Variants in DIS3L2 observed in about 807,000 individuals in gnomAD.
DIS3L2 encodes the protein DIS3 like 3'-5' exoribonuclease 2.
In DIS3L2, 34 loss-of-function variants were observed where a neutral mutation model predicts 97.5. That is an observed-to-expected ratio of 0.35 (90% CI 0.27 to 0.46). The LOEUF (loss-of-function observed/expected upper bound fraction) is 0.46. Ranked by LOEUF, DIS3L2 falls within the 20% of genes least tolerant of loss-of-function variation. The pLI is 1.00. For synonymous variants in DIS3L2, 435 were observed against 445.2 expected (o/e 0.98, Z 0.29); for missense variants, 1,038 against 1,146.0 (o/e 0.91, Z 1.36).
At chr2:232,069,713 G>A (rs1345451243) in intron 5 of DIS3L2, among the ~76,000 whole-genome samples, 1 of 152,156 alleles carries the variant, frequency 6.6e-6, no homozygotes, top group Non-Finnish European at 1.5e-5. Flanking sequence ...AGGATGGAAT[G>A]TAATTCTGGA....
At position 232,037,489 on chromosome 2, in the gene DIS3L2, G is replaced by A. The variant is rs115331501; in HGVS notation, c.366+7409G>A. On this transcript the variant is annotated intron_variant, in intron 5 of 20. Coordinates refer to ENST00000325385, the MANE Select transcript of DIS3L2 (RefSeq NM_152383.5). The surrounding 1 kb of genome is among the most constrained non-coding windows in gnomAD (Gnocchi z 4.6). ...GCTGGGCTCCATGAGGGTGGGATCC[G>A]CTGAGCTAGACCACTTGGCTCTCTG... Among the ~76,000 whole-genome samples, 16,728 of 152,188 alleles carry A rather than the reference G, an allele frequency of 0.11. 1,142 individuals carry two copies. Among genetic ancestry groups the A allele is most frequent in the African/African-American group, 0.19 (7,943 of 41,500 alleles).
chr2:231,972,078 A>T (rs1692933812), intron 1 of DIS3L2, among the ~76,000 whole-genome samples: 1 of 151,652 alleles, frequency 6.6e-6, no homozygotes, highest in South Asian at 2.1e-4. Context: ...CCAGCTACTC[A>T]GGAGGCTGTG....
chr2:232,111,226 T>C (rs993637467), intron 6 of DIS3L2: 11 of 471,144 alleles, frequency 2.3e-5, no homozygotes, highest in African/African-American at 1.8e-4. Flanking sequence ...GAGAAGTTCC[T>C]GGGCTTATCC....
chr2:232,334,412 A>G lies in DIS3L2; in HGVS notation c.2202A>G (p.Lys734=), dbSNP rs777580118. The G allele has an allele frequency of 1.2e-6, 2 of 1,613,786 alleles. No homozygotes were observed. Among genetic ancestry groups the G allele is most frequent in the East Asian group, 2.2e-5 (1 of 44,878 alleles). The change falls in exon 18 of 21, where the codon AAA becomes AAG. Residue 734 remains lysine, a synonymous_variant. Coordinates refer to ENST00000325385, the MANE Select transcript of DIS3L2 (RefSeq NM_152383.5). The stretch of plus-strand genomic sequence containing the variant: ...ACATGGCGCCCGATACCCTGCAGAA[A>G]CAGGCGGACCACTGTAACGACCGCC... ...RLDMAPDTLQ[K]QADHCNDRRM... is the part of the protein sequence containing the mutation.
intron 6 of DIS3L2, among the ~76,000 whole-genome samples, chr2:232,121,977 G>T (rs1305258347): frequency 6.6e-6 from 1 of 152,140 alleles, no homozygotes; most frequent in Non-Finnish European, 1.5e-5. Flanking sequence ...CTGGCCTCCT[G>T]CCTCCAGTCT....
rs143448838 is a variant in DIS3L2, at chr2:232,251,151, A to G, written c.1425+1805A>G. ...CCCTAGGGCTCTTAAGTATATGTGTAATTCAACTGGAGTACAAACAAAACA... is the reference window on the plus strand; with the variant it reads ...CCCTAGGGCTCTTAAGTATATGTGTGATTCAACTGGAGTACAAACAAAACA... On this transcript the variant is annotated intron_variant, in intron 12 of 20. Coordinates refer to ENST00000325385, the MANE Select transcript of DIS3L2 (RefSeq NM_152383.5). Among the ~76,000 whole-genome samples the G allele has an allele frequency of 8.5e-3, 1,298 of 152,338 alleles. 22 individuals carry two copies. The highest frequency in any genetic ancestry group is 0.049 in the Admixed American group (744 of 15,310).
intron 1 of DIS3L2, among the ~76,000 whole-genome samples, chr2:231,972,801 C>G (rs948911921): frequency 1.4e-4 from 22 of 152,218 alleles, no homozygotes; most frequent in African/African-American, 4.6e-4. Context: ...ACCTCGGCCT[C>G]TCAAAGTGCT....
chr2:231,994,994 G>A (rs1026371592), intron 1 of DIS3L2, among the ~76,000 whole-genome samples: 6 of 151,472 alleles, frequency 4.0e-5, no homozygotes, highest in East Asian at 1.9e-4. Flanking sequence ...TTGTAGAGAC[G>A]AGATCTCACT....
chr2:232,050,441 T>C (rs543577434), intron 5 of DIS3L2, among the ~76,000 whole-genome samples: 9 of 151,786 alleles, frequency 5.9e-5, no homozygotes, highest in African/African-American at 1.9e-4. Context: ...AGCTAATCTT[T>C]GTATTTTTTT....
chr2:232,329,790 C>CGGGGGGG, intron 14 of DIS3L2, 23 bp from the exon 15 acceptor site: 5 of 315,328 alleles, frequency 1.6e-5, no homozygotes, highest in Non-Finnish European at 3.1e-5. Flanking sequence ...AGCGGTCCCT[C>CGGGGGGG]CCATCCCACC....
At chr2:232,249,064 G>A (rs931929225) in intron 11 of DIS3L2, among the ~76,000 whole-genome samples, 175 bp from the exon 12 acceptor site, 14 of 152,178 alleles carry the variant, frequency 9.2e-5, no homozygotes, top group African/African-American at 3.4e-4. Context: ...TGACTCTAGA[G>A]GCGCATGGAA....
intron 5 of DIS3L2, among the ~76,000 whole-genome samples, chr2:232,061,876 C>T (rs1331262020): frequency 6.6e-6 from 1 of 152,152 alleles, no homozygotes; most frequent in African/African-American, 2.4e-5. Flanking sequence ...TTTCCCTCAC[C>T]ACTCCTTATT....
At chr2:232,118,132 C>T (rs1201866576) in intron 6 of DIS3L2, among the ~76,000 whole-genome samples, 3 of 152,212 alleles carry the variant, frequency 2.0e-5, no homozygotes, top group African/African-American at 7.2e-5. Flanking sequence ...CCATGGGCCT[C>T]TCTATGTGGC....
Position 232,292,974 on chromosome 2 carries a change from A to G in DIS3L2, c.1660-7066A>G, listed in dbSNP as rs1463397456. Reference sequence around the variant, plus strand: ...GTAGTGGTGAGCTCTCCTGCTTGACATGGCAGCTGCCTCTGGAGAGAGAAA... The same window carrying G: ...GTAGTGGTGAGCTCTCCTGCTTGACGTGGCAGCTGCCTCTGGAGAGAGAAA... On this transcript the variant is annotated intron_variant, in intron 13 of 20. Transcript: ENST00000325385. The surrounding 1 kb of genome is among the most constrained non-coding windows in gnomAD (Gnocchi z 4.4). Among the ~76,000 whole-genome samples, 2 of 152,136 alleles carry G rather than the reference A, an allele frequency of 1.3e-5. No individual in the cohort carries two copies. Among genetic ancestry groups the G allele is most frequent in the South Asian group, 2.1e-4 (1 of 4,834 alleles).
At chr2:232,144,053 T>C (rs1449553153) in intron 8 of DIS3L2, among the ~76,000 whole-genome samples, 3 of 152,164 alleles carry the variant, frequency 2.0e-5, no homozygotes, top group Non-Finnish European at 4.4e-5. Flanking sequence ...TTTTAGTCGA[T>C]AATATTTCCA....
intron 3 of DIS3L2, among the ~76,000 whole-genome samples, chr2:232,021,330 GGTGACAAT>G (rs1337100811): frequency 1.3e-5 from 2 of 152,124 alleles, no homozygotes; most frequent in African/African-American, 4.8e-5. Flanking sequence ...GACAATGAAT[GGTGACAAT>G]GTGGTCACAG....
intron 14 of DIS3L2, among the ~76,000 whole-genome samples, chr2:232,309,918 A>G (rs1695079748): frequency 6.6e-6 from 1 of 152,182 alleles, no homozygotes; most frequent in African/African-American, 2.4e-5. Context: ...TCCTGGATGA[A>G]GTCCTGTTTA....
intron 1 of DIS3L2, among the ~76,000 whole-genome samples, chr2:232,011,811 A>C (rs2106216855): frequency 6.6e-6 from 1 of 151,244 alleles, no homozygotes; most frequent in Admixed American, 6.6e-5. Flanking sequence ...CACCTTGCCC[A>C]GCTAATTTTT....
At chr2:232,050,586 A>G (rs1695374538) in intron 5 of DIS3L2, among the ~76,000 whole-genome samples, 1 of 152,018 alleles carries the variant, frequency 6.6e-6, no homozygotes, top group Non-Finnish European at 1.5e-5. Context: ...GGTTGTAGAC[A>G]TTTCTTAAGC....
Sources: gnomAD v4.1 joint callset for allele counts (sites outside exome capture counted in the v4.1 genomes callset) on GRCh38, gnomAD v4.1.1 for gene constraint, Gnocchi (gnomAD v3.1) non-coding constraint, MANE v1.5 for transcripts, NCBI Gene and HGNC (gene_info 2026-07-23, HGNC 2026-07-21) for gene names.